HMGB1: variants seen among roughly 807,000 people sequenced by gnomAD.
HMGB1 encodes the protein high mobility group protein B1.
For missense variants in HMGB1, 79 were observed against 253.5 expected (o/e 0.31, Z 4.67); for synonymous variants, 81 against 84.0 (o/e 0.96, Z 0.19).
rs1432916585 is a variant in HMGB1, at chr13:30,524,352, AAAAAAG to A, written c.-14-60664_-14-60659del. On this transcript the variant is annotated intron_variant, in intron 1 of 4. Coordinates refer to the HMGB1 transcript ENST00000405805. Reference sequence around the variant, plus strand: ...TAAAGTATATTAAAAAAAAAAAAAAAAAAAAGAAAAAAAAGAAGAACTGCCTGAGAC... The same window carrying A: ...TAAAGTATATTAAAAAAAAAAAAAAAAAAAAAAAGAAGAACTGCCTGAGAC... 3.9e-3 allele frequency among the ~76,000 whole-genome samples: 244 copies of A among 61,982 alleles called. 2 individuals carry two copies. The highest frequency in any genetic ancestry group is 5.7e-3 in the Admixed American group (28 of 4,912). 40.7% of individuals were successfully genotyped at this position (61,982 alleles called of 152,430 possible). A position where few individuals can be genotyped will look rare whatever the true frequency, so the allele number is the denominator to read the frequency against.
chr13:30,538,576 C>A (rs1358499270), intron 1 of HMGB1, among the ~76,000 whole-genome samples: 1 of 118,772 alleles, frequency 8.4e-6, no homozygotes. Flanking sequence ...CTTTTTCTTT[C>A]TTTCTTTCTT....
rs529075946 is a variant in HMGB1, at chr13:30,524,324, G to T, written c.-14-60630C>A. Reference sequence around the variant, plus strand: ...GCACGTTCTGCACATGTATCCCAGAGCTTAAAGTATATTAAAAAAAAAAAA... The same window carrying T: ...GCACGTTCTGCACATGTATCCCAGATCTTAAAGTATATTAAAAAAAAAAAA... On this transcript the variant is annotated intron_variant, in intron 1 of 4. Coordinates refer to the HMGB1 transcript ENST00000405805. Among the ~76,000 whole-genome samples, 7 of 128,792 alleles carry T rather than the reference G, an allele frequency of 5.4e-5. No homozygotes were observed. In the Admixed American group the frequency reaches 6.4e-4, roughly 12 times the overall value. The allele number at this position is 128,792 out of a possible 152,430, so 84.5% of individuals were successfully genotyped here. A position where few individuals can be genotyped will look rare whatever the true frequency, so the allele number is the denominator to read the frequency against.
chr13:30,616,409 C>A (rs1950562955), intron 1 of HMGB1, among the ~76,000 whole-genome samples: 1 of 152,210 alleles, frequency 6.6e-6, no homozygotes, highest in African/African-American at 2.4e-5. Context: ...TACATTTTAA[C>A]TGAACCAATT....
chr13:30,573,416 G>GA (rs915719031), intron 1 of HMGB1, among the ~76,000 whole-genome samples: 1 of 152,046 alleles, frequency 6.6e-6, no homozygotes, highest in Non-Finnish European at 1.5e-5. Flanking sequence ...TTTTTAATGT[G>GA]AAAAAAATGA....
chr13:30,606,339 C>T (rs1950458142), intron 1 of HMGB1, among the ~76,000 whole-genome samples: 1 of 152,262 alleles, frequency 6.6e-6, no homozygotes, highest in Admixed American at 6.5e-5. Flanking sequence ...CACTTATTAG[C>T]TCTGAAGACT....
intron 1 of HMGB1, among the ~76,000 whole-genome samples, chr13:30,485,034 CTT>C (rs59990628): frequency 3.7e-5 from 5 of 134,540 alleles, no homozygotes; most frequent in Admixed American, 7.8e-5. Context: ...TTTTCTTTTT[CTT>C]TTTTTTTTTT....
intron 1 of HMGB1, chr13:30,464,642 G>A: frequency 4.1e-6 from 4 of 983,896 alleles, no homozygotes; most frequent in Non-Finnish European, 4.8e-6. Context: ...TCGAAATGGG[G>A]GCTGGCTCCG....
chr13:30,571,342 T>G (rs962596469), intron 1 of HMGB1, among the ~76,000 whole-genome samples: 7 of 151,552 alleles, frequency 4.6e-5, no homozygotes, highest in African/African-American at 1.7e-4. Context: ...TCGCCCAGGC[T>G]GGAGTGCAGT....
intron 1 of HMGB1, among the ~76,000 whole-genome samples, chr13:30,495,557 C>A (rs1283893354): frequency 1.3e-5 from 2 of 151,482 alleles, no homozygotes; most frequent in Non-Finnish European, 2.9e-5. Flanking sequence ...CGGCTCACTG[C>A]AAGCTCTGCC....
At chr13:30,500,997 A>T (rs903852527) in intron 1 of HMGB1, among the ~76,000 whole-genome samples, 2 of 151,254 alleles carry the variant, frequency 1.3e-5, no homozygotes, top group African/African-American at 4.9e-5. Flanking sequence ...TTTTTAAAAA[A>T]TTTTTTTGCA....
At chr13:30,610,480 T>C (rs560056165) in intron 1 of HMGB1, among the ~76,000 whole-genome samples, 2 of 152,294 alleles carry the variant, frequency 1.3e-5, no homozygotes, top group African/African-American at 4.8e-5. Flanking sequence ...GCATATTAAC[T>C]GCCAGACATT....
intron 1 of HMGB1, among the ~76,000 whole-genome samples, chr13:30,574,915 A>G (rs1302052196): frequency 2.0e-5 from 3 of 152,202 alleles, no homozygotes; most frequent in Admixed American, 6.5e-5. Flanking sequence ...TTTTCCATAC[A>G]ATGTACTCTT....
chr13:30,537,883 T>C (rs1266270446), intron 1 of HMGB1, among the ~76,000 whole-genome samples: 1 of 151,992 alleles, frequency 6.6e-6, no homozygotes, highest in Non-Finnish European at 1.5e-5. Flanking sequence ...TGAAAATTGC[T>C]GGAATTAATT....
chr13:30,615,953 C>A (rs184336583), intron 1 of HMGB1, among the ~76,000 whole-genome samples: 1 of 152,304 alleles, frequency 6.6e-6, no homozygotes, highest in East Asian at 1.9e-4. Flanking sequence ...TGCTGACAAG[C>A]GATGGACGCA....
upstream of HMGB1, among the ~76,000 whole-genome samples, chr13:30,469,082 G>A (rs988289564): frequency 6.6e-6 from 1 of 151,810 alleles, no homozygotes; most frequent in African/African-American, 2.4e-5. Flanking sequence ...TGATAGAGAC[G>A]GTTTCACCAT....
rs1454012491 is a variant in HMGB1 at position 30,489,221 on chromosome 13, T to A, written c.-14-25527A>T. On this transcript the variant is annotated intron_variant, in intron 1 of 4. Coordinates refer to the HMGB1 transcript ENST00000405805. Reference sequence around the variant, plus strand: ...TCTAAAAACTCTTGTTGAAGCCTGGTGCAGTAGTACGTGCCTGTAGTCCCA... The same window carrying A: ...TCTAAAAACTCTTGTTGAAGCCTGGAGCAGTAGTACGTGCCTGTAGTCCCA... 2.0e-5 allele frequency among the ~76,000 whole-genome samples: 3 copies of A among 152,076 alleles called. No homozygotes were observed. In the East Asian group the frequency reaches 5.8e-4, roughly 29 times the overall value.
intron 1 of HMGB1, among the ~76,000 whole-genome samples, chr13:30,491,795 T>G (rs1225896732): frequency 1.3e-5 from 2 of 152,100 alleles, no homozygotes; most frequent in Non-Finnish European, 2.9e-5. Flanking sequence ...AGGAGAAGTC[T>G]TAGGACAAAA....
intron 1 of HMGB1, among the ~76,000 whole-genome samples, chr13:30,546,305 G>A (rs112008223): frequency 6.6e-6 from 1 of 152,210 alleles, no homozygotes. Flanking sequence ...TAGTAGAGAC[G>A]GGGTTTCACC....
intron 1 of HMGB1, among the ~76,000 whole-genome samples, chr13:30,609,100 A>G (rs1950488621): frequency 6.7e-6 from 1 of 150,124 alleles, no homozygotes; most frequent in Admixed American, 6.7e-5. Context: ...CGTCTCTACT[A>G]AAAATACAAA....
Sources: allele counts gnomAD v4.1 joint callset (sites outside exome capture counted in the v4.1 genomes callset), GRCh38; gene constraint gnomAD v4.1.1; transcripts MANE v1.5; gene names NCBI Gene and HGNC (gene_info 2026-07-23, HGNC 2026-07-21).